NCAM2: variants seen among roughly 807,000 people sequenced by gnomAD.
The protein encoded by NCAM2 is neural cell adhesion molecule 2.
Under a neutral mutation model 98.1 loss-of-function variants are expected in NCAM2, and 30 were observed. That is an observed-to-expected ratio of 0.31 (90% CI 0.23 to 0.41). The LOEUF (loss-of-function observed/expected upper bound fraction) is 0.41, where lower values mean the gene tolerates loss of function less well. Ranked by LOEUF, NCAM2 falls within the 10% of genes least tolerant of loss-of-function variation. The pLI is 1.00. For missense variants in NCAM2, 867 were observed against 1,005.8 expected, an observed-to-expected ratio of 0.86 and a Z score of 1.87; for synonymous variants, 368 against 342.4, an observed-to-expected ratio of 1.07 and a Z score of -0.83.
Position 21,477,332 on chromosome 21 carries a change from A to G in NCAM2, c.1938A>G (p.Gly646=). ...AATGGCTAGAGAAAAAAGTGCAAGG[A>G]AATAAAGACCACATCATTTTGGAGC... ...EDQWLEKKVQ[G]NKDHIILEHL... Residue 646 remains glycine (G), a synonymous_variant, in exon 15 of 18, where the codon GGA becomes GGG. Transcript: ENST00000400546. The G allele has an allele frequency of 6.2e-7, 1 of 1,608,294 alleles. No homozygotes were observed. The highest frequency in any genetic ancestry group is 8.5e-7 in the Non-Finnish European group (1 of 1,176,422).
chr21:21,301,921 C>T (rs2073727707), intron 5 of NCAM2, among the ~76,000 whole-genome samples: 1 of 146,102 alleles, frequency 6.8e-6, no homozygotes, highest in African/African-American at 2.5e-5. Flanking sequence ...GATATCATCT[C>T]ACACCAGTTA....
At chr21:21,187,792 A>G (rs1371755581) in intron 1 of NCAM2, among the ~76,000 whole-genome samples, 13 of 152,318 alleles carry the variant, frequency 8.5e-5, no homozygotes, top group East Asian at 3.9e-4. Context: ...CTGAGTGAGC[A>G]CATTAGTGAG....
chr21:21,002,709 C>G (rs778540537), intron 1 of NCAM2, among the ~76,000 whole-genome samples: 3 of 152,070 alleles, frequency 2.0e-5, no homozygotes, highest in Non-Finnish European at 4.4e-5. Context: ...TAGAGTGATT[C>G]TAAATTGCCC....
At chr21:21,448,409 G>A (rs536007621) in intron 12 of NCAM2, among the ~76,000 whole-genome samples, 8 of 151,906 alleles carry the variant, frequency 5.3e-5, no homozygotes, top group Non-Finnish European at 8.8e-5. Flanking sequence ...GGGGGCAAAA[G>A]GAGGGAACTT....
intron 1 of NCAM2, among the ~76,000 whole-genome samples, chr21:21,276,563 G>A (rs578122505): frequency 1.3e-5 from 2 of 151,968 alleles, no homozygotes; most frequent in Admixed American, 1.3e-4. Flanking sequence ...TTTGACATTA[G>A]GAAACAATTT....
At chr21:21,029,776 G>A (rs117367734) in intron 1 of NCAM2, among the ~76,000 whole-genome samples, 5,329 of 151,924 alleles carry the variant, frequency 0.035, 110 homozygotes, top group East Asian at 0.059. Context: ...GGCTGCAAGT[G>A]CACACCGCCA....
chr21:21,401,880 TG>T (rs2076638311), intron 9 of NCAM2, among the ~76,000 whole-genome samples: 1 of 152,182 alleles, frequency 6.6e-6, no homozygotes, highest in Non-Finnish European at 1.5e-5. Flanking sequence ...AGGGACCGGC[TG>T]GAGCTGCAGC....
intron 1 of NCAM2, among the ~76,000 whole-genome samples, chr21:21,036,189 C>A (rs556947335): frequency 1.3e-5 from 2 of 152,110 alleles, no homozygotes; most frequent in Admixed American, 1.3e-4. Flanking sequence ...AAAATATGAT[C>A]CCCACTCACT....
chr21:21,168,398 C>T (rs948485503), intron 1 of NCAM2, among the ~76,000 whole-genome samples: 1 of 151,972 alleles, frequency 6.6e-6, no homozygotes, highest in Non-Finnish European at 1.5e-5. Context: ...CTCAGGATAC[C>T]CCTTCTCATT....
At chr21:21,444,203 A>G (rs965374878) in intron 12 of NCAM2, among the ~76,000 whole-genome samples, 1 of 152,088 alleles carries the variant, frequency 6.6e-6, no homozygotes, top group Non-Finnish European at 1.5e-5. Context: ...ATGGTGGGTA[A>G]GTTTCTTGAT....
intron 1 of NCAM2, among the ~76,000 whole-genome samples, chr21:21,212,696 T>G (rs1265244463): frequency 1.3e-5 from 2 of 152,046 alleles, no homozygotes; most frequent in Non-Finnish European, 2.9e-5. Flanking sequence ...ATGAGGTGTC[T>G]CTATATTGCT....
At chr21:21,454,613 T>C (rs1981848178) in intron 12 of NCAM2, among the ~76,000 whole-genome samples, 1 of 152,042 alleles carries the variant, frequency 6.6e-6, no homozygotes, top group Non-Finnish European at 1.5e-5. Flanking sequence ...TTATTTTTAA[T>C]AACTTCCCTG....
chr21:21,276,977 C>A (rs1015865338), intron 1 of NCAM2, among the ~76,000 whole-genome samples: 4 of 151,802 alleles, frequency 2.6e-5, no homozygotes, highest in Admixed American at 2.6e-4. Flanking sequence ...GAATTAAGAT[C>A]AACAAATCAG....
At chr21:21,323,010 C>T (rs1319494429) in intron 5 of NCAM2, among the ~76,000 whole-genome samples, 1 of 152,112 alleles carries the variant, frequency 6.6e-6, no homozygotes, top group Non-Finnish European at 1.5e-5. Flanking sequence ...TTAACACATA[C>T]AGAATACAAA....
intron 12 of NCAM2, among the ~76,000 whole-genome samples, chr21:21,446,659 C>T: frequency 6.6e-6 from 1 of 152,068 alleles, no homozygotes; most frequent in East Asian, 1.9e-4. Flanking sequence ...ACCCCATCAT[C>T]TCAGCCCAAA....
At chr21:21,294,535 A>G (rs2073407045) in intron 5 of NCAM2, among the ~76,000 whole-genome samples, 1 of 151,852 alleles carries the variant, frequency 6.6e-6, no homozygotes, top group Non-Finnish European at 1.5e-5. Context: ...CTTTGCTCGG[A>G]CATTGATAAT....
At chr21:21,338,350 C>T in intron 7 of NCAM2, 39 bp from the exon 8 acceptor site, 1 of 1,567,888 alleles carries the variant, frequency 6.4e-7, no homozygotes, top group East Asian at 2.3e-5. Context: ...GTAATATTTT[C>T]CTCCAATACC....
intron 1 of NCAM2, among the ~76,000 whole-genome samples, chr21:21,265,264 CACACATATATGT>C (rs1441015470): frequency 6.5e-4 from 80 of 123,586 alleles, no homozygotes; most frequent in Middle Eastern, 0.012. Flanking sequence ...TACGTATATA[CACACATATATGT>C]ACACATATGT....
intron 1 of NCAM2, among the ~76,000 whole-genome samples, chr21:21,092,490 A>G (rs2066034081): frequency 6.6e-6 from 1 of 151,998 alleles, no homozygotes; most frequent in Admixed American, 6.6e-5. Context: ...ATTTATTAGC[A>G]TGAATAATTA....
Sources: allele counts gnomAD v4.1 joint callset (sites outside exome capture counted in the v4.1 genomes callset), GRCh38; gene constraint gnomAD v4.1.1; transcripts MANE v1.5; gene names NCBI Gene and HGNC (gene_info 2026-07-23, HGNC 2026-07-21).